Variants in ATAD2 observed in about 807,000 individuals in gnomAD.
ATAD2 encodes ATPase family AAA domain-containing protein 2.
Under a neutral mutation model 168.9 loss-of-function variants are expected in ATAD2, and 62 were observed. The ratio of observed to expected loss-of-function variants is 0.37; its 90% confidence interval spans 0.30 to 0.45. ATAD2 has a LOEUF of 0.45. Among genes scored for constraint, ATAD2 ranks in the 20% least tolerant of loss-of-function variants. ATAD2 has a pLI of 1.00. For synonymous variants in ATAD2, 613 were observed against 571.6 expected, an observed-to-expected ratio of 1.07 and a Z score of -1.03; for missense variants, 1,419 against 1,667.8, an observed-to-expected ratio of 0.85 and a Z score of 2.60.
At chr8:123,394,556 G>C (rs1812741238) in intron 1 of ATAD2, among the ~76,000 whole-genome samples, 1 of 152,036 alleles carries the variant, frequency 6.6e-6, no homozygotes. Flanking sequence ...TTGAACCCGG[G>C]AGGTGGAGGT....
In ATAD2 at chr8:123,333,180, A is replaced by G. The variant is rs370920855; in HGVS notation, c.3478+698T>C. ...GAGGTGGGTGGATCATGAGGTCAGG[A>G]GATCGAGACCATCCTGGCTAACACG... is the stretch of plus-strand genomic sequence containing the variant. On this transcript the variant is annotated intron_variant, in intron 24 of 27. Coordinates refer to ENST00000287394, the MANE Select transcript of ATAD2 (RefSeq NM_014109.4). Among the ~76,000 whole-genome samples, 37 of 140,112 alleles carry G rather than the reference A, an allele frequency of 2.6e-4. No individual in the cohort carries two copies. In the East Asian group the frequency reaches 7.7e-3, roughly 29 times the overall value. 91.9% of individuals were successfully genotyped at this position (140,112 alleles called of 152,430 possible).
intron 24 of ATAD2, among the ~76,000 whole-genome samples, chr8:123,331,400 G>A (rs1827771067): frequency 6.6e-6 from 1 of 151,734 alleles, no homozygotes; most frequent in African/African-American, 2.4e-5. Context: ...TACCATGCCT[G>A]GCTAATTTTT....
chr8:123,400,425 C>A (rs992392749), upstream of ATAD2, among the ~76,000 whole-genome samples: 14 of 152,146 alleles, frequency 9.2e-5, no homozygotes, highest in African/African-American at 3.4e-4. The surrounding 1 kb of genome is among the most constrained non-coding windows in gnomAD (Gnocchi z 4.5). Context: ...GTACCAGCTA[C>A]TTGGGAGGCT....
chr8:123,343,127 G>T (rs1430047852), intron 19 of ATAD2, among the ~76,000 whole-genome samples: 1 of 151,996 alleles, frequency 6.6e-6, no homozygotes, highest in Non-Finnish European at 1.5e-5. Flanking sequence ...TGGGATTACG[G>T]GCACACATCA....
chr8:123,390,493 T>C (rs910975954), intron 1 of ATAD2, among the ~76,000 whole-genome samples: 1 of 152,186 alleles, frequency 6.6e-6, no homozygotes, highest in African/African-American at 2.4e-5. Flanking sequence ...CACCATTCAC[T>C]GCCACACCCA....
At chr8:123,405,898 T>C (rs544225652) in intron 1 of ATAD2, among the ~76,000 whole-genome samples, 5 of 152,204 alleles carry the variant, frequency 3.3e-5, no homozygotes, top group Non-Finnish European at 7.4e-5. Context: ...AGAATAAATT[T>C]CTAGAAGTGC....
intron 2 of ATAD2, among the ~76,000 whole-genome samples, chr8:123,379,295 C>G (rs1405754301): frequency 6.6e-6 from 1 of 152,088 alleles, no homozygotes; most frequent in African/African-American, 2.4e-5. Flanking sequence ...TACACCAACA[C>G]CAACACATAG....
chr8:123,343,361 T>C (rs1828123590), intron 19 of ATAD2, among the ~76,000 whole-genome samples: 2 of 152,144 alleles, frequency 1.3e-5, no homozygotes, highest in African/African-American at 4.8e-5. Flanking sequence ...TAGCTAAATC[T>C]TTCTCCACAA....
In ATAD2 at chr8:123,321,068, G is replaced by A; in HGVS notation, c.*66C>T. 7.2e-7 allele frequency: 1 copy of A among 1,391,472 alleles called. No homozygotes were observed. The highest frequency in any genetic ancestry group is 1.0e-6 in the Non-Finnish European group (1 of 991,380). 86.2% of individuals were successfully genotyped at this position (1,391,472 alleles called of 1,614,324 possible). ...GCAGGGTTTCATACTACATCAATTA[G>A]GCGGACATGACAAAAATGACTTAAA... On this transcript the variant is annotated 3_prime_UTR_variant, in exon 28 of 28. Transcript: ENST00000287394.
intron 1 of ATAD2, chr8:123,401,784 G>A (rs534362941): frequency 3.3e-5 from 25 of 751,884 alleles, no homozygotes; most frequent in East Asian, 1.2e-4. Flanking sequence ...GATGGGGTGC[G>A]GCTCAAGAAA....
chr8:123,336,262 T>G lies in ATAD2; in HGVS notation c.3211+111A>C, dbSNP rs547470851. ...ATTTGTAAAATGGTTGTTGTGAGGA[T>G]TAAATAGTATTTTGATTATGTTTAT... On this transcript the variant is annotated intron_variant, in intron 22 of 27. Coordinates refer to ENST00000287394, the MANE Select transcript of ATAD2 (RefSeq NM_014109.4). The G allele has an allele frequency of 4.2e-6, 4 of 957,320 alleles. No homozygotes were observed. In the East Asian group the frequency reaches 1.2e-4, roughly 29 times the overall value. The allele number at this position is 957,320 out of a possible 1,614,324, so 59.3% of individuals were successfully genotyped here.
intron 24 of ATAD2, among the ~76,000 whole-genome samples, chr8:123,333,639 A>G (rs1360712694): frequency 6.6e-6 from 1 of 152,226 alleles, no homozygotes; most frequent in African/African-American, 2.4e-5. Flanking sequence ...GAAATAGACC[A>G]GAATTTACAG....
chr8:123,392,519 C>G (rs1338745320), intron 1 of ATAD2, among the ~76,000 whole-genome samples: 1 of 151,792 alleles, frequency 6.6e-6, no homozygotes, highest in Non-Finnish European at 1.5e-5. Flanking sequence ...TCTTACCTAC[C>G]TCATAAGGTT....
At position 123,396,171 on chromosome 8, in the gene ATAD2, T is replaced by C. The variant is rs1460309661; in HGVS notation, c.171+16A>G. On this transcript the variant is annotated intron_variant, in intron 1 of 27. Transcript: ENST00000287394. ...CCGGGAACCGCCCTGGGAGCCCGCC[T>C]CAGGCCCGTACTCACGCCCGCTTTG... The C allele has an allele frequency of 1.3e-6, 2 of 1,554,014 alleles. No individual in the cohort carries two copies. Among genetic ancestry groups the C allele is most frequent in the Admixed American group, 1.9e-5 (1 of 53,504 alleles).
intron 1 of ATAD2, among the ~76,000 whole-genome samples, chr8:123,391,403 A>G (rs1192721691): frequency 6.6e-6 from 1 of 151,100 alleles, no homozygotes; most frequent in Non-Finnish European, 1.5e-5. Flanking sequence ...TAAAAATACA[A>G]TGTAGTTAAT....
At chr8:123,359,921 T>C (rs1254336205) in intron 9 of ATAD2, among the ~76,000 whole-genome samples, 1 of 152,064 alleles carries the variant, frequency 6.6e-6, no homozygotes, top group Non-Finnish European at 1.5e-5. Flanking sequence ...CAAATAAAAA[T>C]ACCAAGATGC....
Position 123,360,499 on chromosome 8 carries a change from C to G in ATAD2, c.1158-814G>C, listed in dbSNP as rs558769177. 1.3e-4 allele frequency among the ~76,000 whole-genome samples: 20 copies of G among 152,242 alleles called. No individual in the cohort carries two copies. In the South Asian group the frequency reaches 3.9e-3, roughly 30 times the overall value. On this transcript the variant is annotated intron_variant, in intron 9 of 27. Transcript: ENST00000287394. ...TGGGATTACTGGTGTGCACCACCAA[C>G]ATCTGGCTAATTTTTGTACTTTTAG... is the stretch of plus-strand genomic sequence containing the variant.
In ATAD2 at chr8:123,346,335, T is replaced by C; in HGVS notation, c.2346-63A>G. Reference sequence around the variant, plus strand: ...AAACAGTTTAAATTTTCCCCCTAAATTGTCAACTATAAACTTTCATAAGTA... The same window carrying C: ...AAACAGTTTAAATTTTCCCCCTAAACTGTCAACTATAAACTTTCATAAGTA... On this transcript the variant is annotated intron_variant, in intron 17 of 27. Transcript: ENST00000287394. The C allele has an allele frequency of 5.7e-6, 8 of 1,405,240 alleles. No individual in the cohort carries two copies. The South Asian group carries it at 1.2e-4, about 21-fold the overall frequency. 87.0% of individuals were successfully genotyped at this position (1,405,240 alleles called of 1,614,324 possible). A position where few individuals can be genotyped will look rare whatever the true frequency, so the allele number is the denominator to read the frequency against.
At chr8:123,368,565 A>G (rs548088300) in intron 8 of ATAD2, among the ~76,000 whole-genome samples, 138 of 152,372 alleles carry the variant, frequency 9.1e-4, no homozygotes, top group Non-Finnish European at 1.6e-3. Context: ...AATGTTTCCT[A>G]CAACAGAAGA....
Sources: gnomAD v4.1 joint callset for allele counts (sites outside exome capture counted in the v4.1 genomes callset) on GRCh38, gnomAD v4.1.1 for gene constraint, Gnocchi (gnomAD v3.1) non-coding constraint, MANE v1.5 for transcripts, NCBI Gene and HGNC (gene_info 2026-07-23, HGNC 2026-07-21) for gene names.